Variants in PDSS2 observed in about 807,000 individuals in gnomAD.
The protein encoded by PDSS2 is decaprenyl diphosphate synthase subunit 2, also known as all trans-polyprenyl-diphosphate synthase PDSS2.
Under a neutral mutation model 44.5 loss-of-function variants are expected in PDSS2, and 31 were observed. The observed-to-expected ratio is 0.70, with a 90% CI of 0.52 to 0.94. The LOEUF (loss-of-function observed/expected upper bound fraction) is 0.94, where lower values mean the gene tolerates loss of function less well. PDSS2 is among the 40% of genes least tolerant of loss of function. The pLI, the probability that PDSS2 is intolerant of heterozygous loss-of-function variation, is 0.00. For synonymous variants in PDSS2, 157 were observed against 180.3 expected (o/e 0.87, Z 1.03); for missense variants, 452 against 482.2 (o/e 0.94, Z 0.59).
chr6:107,219,014 C>T lies in PDSS2; in HGVS notation c.703-6732G>A, dbSNP rs1014220877. Among the ~76,000 whole-genome samples, 5 of 150,940 alleles carry T rather than the reference C, an allele frequency of 3.3e-5. No individual in the cohort carries two copies. The South Asian group carries it at 8.4e-4, about 25-fold the overall frequency. ...CAGAGGTTGCAGTGAGCCGACATCACGCCATTGCACTCCAGCCTGGGTGAC... is the reference window on the plus strand; with the variant it reads ...CAGAGGTTGCAGTGAGCCGACATCATGCCATTGCACTCCAGCCTGGGTGAC... On this transcript the variant is annotated intron_variant, in intron 4 of 7. Transcript: ENST00000369037.
intron 1 of PDSS2, among the ~76,000 whole-genome samples, chr6:107,363,151 A>T (rs1194824074): frequency 6.6e-6 from 1 of 152,250 alleles, no homozygotes; most frequent in Admixed American, 6.5e-5. Context: ...ACCAAATTTG[A>T]TGAAAACTGT....
At chr6:107,392,112 T>C (rs1371888293) in intron 1 of PDSS2, among the ~76,000 whole-genome samples, 1 of 152,208 alleles carries the variant, frequency 6.6e-6, no homozygotes, top group Non-Finnish European at 1.5e-5. Flanking sequence ...TTATTAAAAA[T>C]GACCTGAGAA....
chr6:107,179,307 G>T (rs1032151848), intron 7 of PDSS2, among the ~76,000 whole-genome samples: 6 of 151,648 alleles, frequency 4.0e-5, no homozygotes, highest in Non-Finnish European at 8.8e-5. Context: ...TTTAGATGGA[G>T]TTTCACATTG....
chr6:107,343,534 T>C (rs1778145386), intron 1 of PDSS2, among the ~76,000 whole-genome samples: 1 of 152,180 alleles, frequency 6.6e-6, no homozygotes, highest in African/African-American at 2.4e-5. Context: ...TCATCACTTT[T>C]TAAAAGCAGA....
intron 1 of PDSS2, among the ~76,000 whole-genome samples, chr6:107,335,079 G>A (rs768628426): frequency 1.3e-5 from 2 of 151,546 alleles, no homozygotes; most frequent in Non-Finnish European, 2.9e-5. Context: ...TTGAGCCCAG[G>A]GTTGGGGGGG....
intron 2 of PDSS2, among the ~76,000 whole-genome samples, chr6:107,331,502 G>T (rs1435274698): frequency 6.6e-6 from 1 of 152,130 alleles, no homozygotes; most frequent in African/African-American, 2.4e-5. Flanking sequence ...GGATTATAAT[G>T]ACCATCTGCC....
intron 6 of PDSS2, among the ~76,000 whole-genome samples, chr6:107,199,454 C>T (rs1405274446): frequency 6.6e-6 from 1 of 152,184 alleles, no homozygotes; most frequent in Non-Finnish European, 1.5e-5. Context: ...GTATGTACCA[C>T]CATGCCTGGT....
Position 107,286,129 on chromosome 6 carries a change from C to T in PDSS2, c.432-11902G>A, listed in dbSNP as rs930296399. Among the ~76,000 whole-genome samples the T allele has an allele frequency of 7.4e-4, 11 of 14,878 alleles. 1 individual carries two copies. Among genetic ancestry groups the T allele is most frequent in the African/African-American group, 2.3e-3 (11 of 4,718 alleles). The allele number at this position is 14,878 out of a possible 152,430, so 9.8% of individuals were successfully genotyped here. On this transcript the variant is annotated intron_variant, in intron 2 of 7. Coordinates refer to ENST00000369037, the MANE Select transcript of PDSS2 (RefSeq NM_020381.4). Reference sequence around the variant, plus strand: ...GCCTAGTCAAGGAGCAAAACTTCGTCGCAAAATAAAAAAAAAAAAAAGGAA... The same window carrying T: ...GCCTAGTCAAGGAGCAAAACTTCGTTGCAAAATAAAAAAAAAAAAAAGGAA...
intron 4 of PDSS2, among the ~76,000 whole-genome samples, chr6:107,234,496 C>T (rs576696072): frequency 6.6e-5 from 10 of 151,694 alleles, no homozygotes; most frequent in Admixed American, 2.6e-4. Flanking sequence ...TAAGCCACCA[C>T]GCCTGGCTCT....
chr6:107,383,298 C>CAAAAA (rs35910650), intron 1 of PDSS2, among the ~76,000 whole-genome samples: 52 of 28,418 alleles, frequency 1.8e-3, no homozygotes, highest in Non-Finnish European at 2.2e-3. Flanking sequence ...GACTCCATCT[C>CAAAAA]AAAAAAAAAA....
chr6:107,353,373 T>C (rs1259997976), intron 1 of PDSS2, among the ~76,000 whole-genome samples: 1 of 152,210 alleles, frequency 6.6e-6, no homozygotes, highest in African/African-American at 2.4e-5. Context: ...CTGATTTTAT[T>C]TACAGTTATT....
intron 1 of PDSS2, among the ~76,000 whole-genome samples, chr6:107,406,349 G>C (rs577518884): frequency 7.2e-5 from 11 of 152,208 alleles, no homozygotes; most frequent in Non-Finnish European, 1.5e-4. Flanking sequence ...CAGTTAACTA[G>C]CCTTCCTTAC....
At chr6:107,184,329 G>T (rs12213881) in intron 7 of PDSS2, among the ~76,000 whole-genome samples, 46,350 of 151,928 alleles carry the variant, frequency 0.31, 7,480 homozygotes, top group East Asian at 0.53. Flanking sequence ...AGTAAAAAAA[G>T]AACAATACTA....
chr6:107,239,094 T>C (rs1033433087), intron 4 of PDSS2, among the ~76,000 whole-genome samples: 3 of 151,950 alleles, frequency 2.0e-5, no homozygotes, highest in African/African-American at 7.3e-5. Context: ...CTGGCCAACA[T>C]GGTGAAACCC....
chr6:107,161,743 A>G (rs1771142132), intron 7 of PDSS2, among the ~76,000 whole-genome samples: 1 of 152,192 alleles, frequency 6.6e-6, no homozygotes, highest in African/African-American at 2.4e-5. Context: ...AAATATTCAC[A>G]GTTTGGCCTT....
At chr6:107,376,387 C>A (rs1432777532) in intron 1 of PDSS2, among the ~76,000 whole-genome samples, 1 of 151,898 alleles carries the variant, frequency 6.6e-6, no homozygotes, top group African/African-American at 2.4e-5. Flanking sequence ...ATTCTTCCTA[C>A]CCATGAGCAT....
chr6:107,230,023 G>A (rs918726508), intron 4 of PDSS2: 10 of 210,738 alleles, frequency 4.7e-5, no homozygotes, highest in African/African-American at 1.6e-4. Flanking sequence ...ACCCAGATAT[G>A]GACTTGAAAG....
chr6:107,168,631 T>C (rs1425670126), intron 7 of PDSS2, among the ~76,000 whole-genome samples: 3 of 151,666 alleles, frequency 2.0e-5, no homozygotes, highest in East Asian at 1.9e-4. Context: ...TTCCTTTCCA[T>C]GTTTAGTGCT....
chr6:107,333,441 G>A (rs1777774212), intron 2 of PDSS2, among the ~76,000 whole-genome samples: 1 of 152,040 alleles, frequency 6.6e-6, no homozygotes, highest in South Asian at 2.1e-4. Context: ...AAATACATGA[G>A]ATGTAAAAAT....
Sources: allele counts gnomAD v4.1 joint callset (sites outside exome capture counted in the v4.1 genomes callset), GRCh38; gene constraint gnomAD v4.1.1; transcripts MANE v1.5; gene names NCBI Gene and HGNC (gene_info 2026-07-23, HGNC 2026-07-21).